Variants in RGS5 observed in about 807,000 individuals in gnomAD.
RGS5 encodes the protein regulator of G protein signaling 5, also known as regulator of G-protein signalling 5.
Under a neutral mutation model 18.9 loss-of-function variants are expected in RGS5, and 20 were observed. The observed-to-expected ratio is 1.06, with a 90% CI of 0.74 to 1.54. The LOEUF is 1.54. Among genes scored for constraint, RGS5 ranks in the 40% most tolerant of loss-of-function variants. The pLI, the probability that RGS5 is intolerant of heterozygous loss-of-function variation, is 0.00. For synonymous variants in RGS5, 57 were observed against 76.2 expected, an observed-to-expected ratio of 0.75 and a Z score of 1.31; for missense variants, 201 against 211.8, an observed-to-expected ratio of 0.95 and a Z score of 0.32.
intron 2 of RGS5, among the ~76,000 whole-genome samples, chr1:163,303,935 C>T (rs758147575): frequency 6.6e-6 from 1 of 152,110 alleles, no homozygotes; most frequent in Non-Finnish European, 1.5e-5. Context: ...CCAATCCCCC[C>T]ACATATCCAA....
intron 1 of RGS5, among the ~76,000 whole-genome samples, chr1:163,311,317 T>G (rs1207821380): frequency 6.6e-6 from 1 of 152,244 alleles, no homozygotes; most frequent in African/African-American, 2.4e-5. Flanking sequence ...TTTCTCCATA[T>G]CAGCAATATG....
At chr1:163,182,014 T>A (rs1658872509) in intron 1 of RGS5, among the ~76,000 whole-genome samples, 1 of 152,198 alleles carries the variant, frequency 6.6e-6, no homozygotes, top group African/African-American at 2.4e-5. Context: ...TTAATAGGTT[T>A]AGCATGGAAC....
rs1414922134 is a variant in RGS5 at position 163,168,350 on chromosome 1, G to A, written c.63C>T (p.Ile21=). Reference sequence around the variant, plus strand: ...GCTTCTGGAGGAGAATTCCCAACTTGATCTTAATCTCCTTGGCCCTGAAAG... The same window carrying A: ...GCTTCTGGAGGAGAATTCCCAACTTAATCTTAATCTCCTTGGCCCTGAAAG... ...SCLERAKEIK[I]KLGILLQKPD... is the part of the protein sequence containing the mutation. The change falls in exon 2 of 5, where the codon ATC becomes ATT. Residue 21 remains isoleucine (I), a synonymous_variant. Coordinates refer to ENST00000313961, the MANE Select transcript of RGS5 (RefSeq NM_003617.4). The A allele has an allele frequency of 6.2e-7, 1 of 1,613,316 alleles. No homozygotes were observed.
intron 2 of RGS5, among the ~76,000 whole-genome samples, chr1:163,239,906 T>A (rs539541924): frequency 6.6e-6 from 1 of 152,368 alleles, no homozygotes; most frequent in South Asian, 2.1e-4. Flanking sequence ...AAAACGTTTA[T>A]TAATTTCAAT....
At chr1:163,259,450 C>T (rs1183724630) in intron 2 of RGS5, among the ~76,000 whole-genome samples, 1 of 152,148 alleles carries the variant, frequency 6.6e-6, no homozygotes, top group Non-Finnish European at 1.5e-5. Context: ...AGGCGTGAGC[C>T]ACCACGCCCA....
chr1:163,232,975 T>C (rs1647522420), intron 2 of RGS5, among the ~76,000 whole-genome samples: 1 of 152,206 alleles, frequency 6.6e-6, no homozygotes, highest in Non-Finnish European at 1.5e-5. Context: ...ATTTTATGTC[T>C]TCTATGTCAT....
chr1:163,203,907 A>ATG (rs3069035), upstream of RGS5, among the ~76,000 whole-genome samples: 148,204 of 152,188 alleles, frequency 0.97, 72,226 homozygotes, highest in East Asian at 1. Context: ...TAATCTGTAA[A>ATG]TAAATGCCTA....
intron 2 of RGS5, among the ~76,000 whole-genome samples, chr1:163,223,925 T>C (rs1420336655): frequency 1.3e-5 from 2 of 152,160 alleles, no homozygotes; most frequent in Admixed American, 1.3e-4. Context: ...TTTATTTTGT[T>C]TTTAATGAAT....
chr1:163,216,434 T>C lies in RGS5; in HGVS notation c.69+1092A>G, dbSNP rs562374767. ...CCAGATGGGCTCCAGCCTTCACAGA[T>C]TTCCCCCACTGTCTTGTGGAGGAAA... is the stretch of plus-strand genomic sequence containing the variant. On this transcript the variant is annotated intron_variant, in intron 1 of 5. Coordinates refer to the RGS5 transcript ENST00000367903. Among the ~76,000 whole-genome samples, 86 of 152,248 alleles carry C rather than the reference T, an allele frequency of 5.6e-4. No homozygotes were observed. The South Asian group carries it at 6.0e-3, about 11-fold the overall frequency.
At chr1:163,207,085 A>AT (rs1322256924), upstream of RGS5, among the ~76,000 whole-genome samples, 1 of 152,206 alleles carries the variant, frequency 6.6e-6, no homozygotes, top group East Asian at 1.9e-4. Context: ...AAAGCATGAG[A>AT]TAAGTGGTAT....
chr1:163,174,653 T>C (rs1450940593), intron 1 of RGS5, among the ~76,000 whole-genome samples: 1 of 152,188 alleles, frequency 6.6e-6, no homozygotes, highest in Non-Finnish European at 1.5e-5. Flanking sequence ...TCATATTATA[T>C]AGGACATATG....
intron 2 of RGS5, among the ~76,000 whole-genome samples, chr1:163,251,568 C>T (rs1325985227): frequency 6.6e-6 from 1 of 152,086 alleles, no homozygotes; most frequent in African/African-American, 2.4e-5. Context: ...CTTCACTTAT[C>T]CCAAAGTGAT....
chr1:163,312,746 A>G (rs1649903242), intron 1 of RGS5, among the ~76,000 whole-genome samples: 1 of 152,230 alleles, frequency 6.6e-6, no homozygotes, highest in Non-Finnish European at 1.5e-5. Context: ...ATTTTCGCAC[A>G]CAGGGAAGAA....
chr1:163,144,067 C>G lies in RGS5; in HGVS notation c.*3275G>C, dbSNP rs892299546. The G allele has an allele frequency of 2.6e-5, 4 of 152,068 alleles. No homozygotes were observed. The highest frequency in any genetic ancestry group is 4.4e-5 in the Non-Finnish European group (3 of 68,004). 9.4% of individuals were successfully genotyped at this position (152,068 alleles called of 1,614,324 possible). On this transcript the variant is annotated 3_prime_UTR_variant, in exon 5 of 5. Coordinates refer to ENST00000313961, the MANE Select transcript of RGS5 (RefSeq NM_003617.4). ...AATTCTACTTAAAGCATAATTCATA[C>G]AGTAGAGAATTTGAGTACACGGGGT...
In RGS5 at chr1:163,164,311, A is replaced by G. The variant is rs541754887; in HGVS notation, c.156-2335T>C. Reference sequence around the variant, plus strand: ...TCATAGCTGACCACAGAGGATGGGTATGGAGTTTCTGTGCGTGGGAGTGTG... The same window carrying G: ...TCATAGCTGACCACAGAGGATGGGTGTGGAGTTTCTGTGCGTGGGAGTGTG... On this transcript the variant is annotated intron_variant, in intron 2 of 4. Transcript: ENST00000313961. Among the ~76,000 whole-genome samples, 17 of 152,342 alleles carry G rather than the reference A, an allele frequency of 1.1e-4. No homozygotes were observed. The South Asian group carries it at 2.9e-3, about 26-fold the overall frequency.
intron 2 of RGS5, among the ~76,000 whole-genome samples, chr1:163,299,284 C>G (rs1253974073): frequency 6.6e-6 from 1 of 152,104 alleles, no homozygotes; most frequent in Non-Finnish European, 1.5e-5. Context: ...GAGGAAAAGG[C>G]TGTAGAGAAG....
intron 2 of RGS5, among the ~76,000 whole-genome samples, chr1:163,243,654 A>C (rs1008450850): frequency 6.6e-6 from 1 of 150,980 alleles, no homozygotes; most frequent in Admixed American, 6.6e-5. Context: ...AAAAAAAAAA[A>C]AAAAAAAAAA....
intron 2 of RGS5, among the ~76,000 whole-genome samples, chr1:163,234,531 T>C (rs1160444258): frequency 6.6e-6 from 1 of 152,212 alleles, no homozygotes; most frequent in South Asian, 2.1e-4. Flanking sequence ...ATCATAAAAC[T>C]AGACTTTAAG....
rs545114364 is a variant in RGS5, at chr1:163,152,467, A to G, written c.384+83T>C. 4.4e-5 allele frequency: 63 copies of G among 1,425,132 alleles called. No individual in the cohort carries two copies. The African/African-American group carries it at 8.0e-4, about 18-fold the overall frequency. 88.3% of individuals were successfully genotyped at this position (1,425,132 alleles called of 1,614,324 possible). ...AAATAGGAATAGCCTTTGGCTCCCA[A>G]CGGGAGGTCTGTGTCTCAGATGTAA... On this transcript the variant is annotated intron_variant, in intron 4 of 4. Coordinates refer to ENST00000313961, the MANE Select transcript of RGS5 (RefSeq NM_003617.4).
Sources: gnomAD v4.1 joint callset for allele counts (sites outside exome capture counted in the v4.1 genomes callset) on GRCh38, gnomAD v4.1.1 for gene constraint, MANE v1.5 for transcripts, NCBI Gene and HGNC (gene_info 2026-07-23, HGNC 2026-07-21) for gene names.